The following GALNT17 variants were observed in gnomAD, a reference collection of about 807,000 sequenced individuals.
GALNT17 encodes UDP-GalNAc:polypeptide N-acetylgalactosaminyltransferase-like 3.
In GALNT17, 29 loss-of-function variants were observed where a neutral mutation model predicts 63.7. The observed-to-expected ratio is 0.46, with a 90% CI of 0.34 to 0.62. The LOEUF (loss-of-function observed/expected upper bound fraction) is 0.62, where lower values mean the gene tolerates loss of function less well. Among genes scored for constraint, GALNT17 ranks in the 20% least tolerant of loss-of-function variants. The probability of loss-of-function intolerance (pLI) is 0.01; values close to 1 mark genes in which losing one functional copy is unlikely to be tolerated. For synonymous variants in GALNT17, 305 were observed against 318.3 expected, an observed-to-expected ratio of 0.96 and a Z score of 0.45; for missense variants, 603 against 799.6, an observed-to-expected ratio of 0.75 and a Z score of 2.97.
At chr7:71,519,972 T>A (rs773213668) in intron 5 of GALNT17, among the ~76,000 whole-genome samples, 1 of 152,252 alleles carries the variant, frequency 6.6e-6, no homozygotes, top group African/African-American at 2.4e-5. Context: ...CAGCATGATA[T>A]ATAAAAATCA....
At chr7:71,389,354 G>A (rs767590275) in intron 3 of GALNT17, among the ~76,000 whole-genome samples, 2 of 151,914 alleles carry the variant, frequency 1.3e-5, no homozygotes, top group East Asian at 1.9e-4. Context: ...GGCTGATCTC[G>A]AACTCCTGAC....
intron 6 of GALNT17, among the ~76,000 whole-genome samples, chr7:71,593,163 ATAAT>A (rs2116920693): frequency 3.0e-5 from 1 of 32,920 alleles, no homozygotes; most frequent in African/African-American, 4.4e-5. Flanking sequence ...AATAATAATA[ATAAT>A]AATAATAATA....
intron 5 of GALNT17, among the ~76,000 whole-genome samples, chr7:71,474,796 A>G (rs1787696519): frequency 6.6e-6 from 1 of 152,196 alleles, no homozygotes; most frequent in East Asian, 1.9e-4. Context: ...ATGTTACTTC[A>G]TGTGGCAAAA....
intron 2 of GALNT17, among the ~76,000 whole-genome samples, chr7:71,380,145 G>C (rs1185949605): frequency 1.3e-5 from 2 of 152,078 alleles, no homozygotes; most frequent in African/African-American, 4.8e-5. Flanking sequence ...TGGCCACGTA[G>C]AGTAGATGTC....
intron 9 of GALNT17, among the ~76,000 whole-genome samples, chr7:71,701,901 ATATATATATACATATATATATG>A (rs1281171109): frequency 1.7e-5 from 2 of 119,170 alleles, no homozygotes; most frequent in Non-Finnish European, 3.3e-5. Context: ...ATATACACAT[ATATATATATACATATATATATG>A]TATATATATA....
At chr7:71,410,422 T>G (rs1306857287) in intron 3 of GALNT17, among the ~76,000 whole-genome samples, 1 of 152,176 alleles carries the variant, frequency 6.6e-6, no homozygotes, top group African/African-American at 2.4e-5. Context: ...ATTTTTATAT[T>G]TTTAGTAGAG....
intron 9 of GALNT17, among the ~76,000 whole-genome samples, chr7:71,696,884 T>C (rs912076129): frequency 5.3e-5 from 8 of 152,134 alleles, no homozygotes; most frequent in African/African-American, 1.9e-4. Context: ...TAAAAATGGG[T>C]ATAATGCTGC....
chr7:71,624,782 C>T (rs887822496), intron 6 of GALNT17, among the ~76,000 whole-genome samples: 3 of 152,192 alleles, frequency 2.0e-5, no homozygotes, highest in African/African-American at 7.2e-5. Context: ...TGAGAAATAA[C>T]TGTATTTTCC....
chr7:71,531,141 G>A (rs145923267), intron 5 of GALNT17, among the ~76,000 whole-genome samples: 45 of 151,910 alleles, frequency 3.0e-4, no homozygotes, highest in Middle Eastern at 3.4e-3. Context: ...AGTAGTACAC[G>A]TATGCAAATT....
intron 6 of GALNT17, among the ~76,000 whole-genome samples, chr7:71,577,758 C>T (rs1789562744): frequency 5.3e-5 from 8 of 152,166 alleles, no homozygotes. Context: ...GCCTTAATTG[C>T]TGGTTGCATA....
rs1013532130 is a variant in GALNT17, at chr7:71,321,805, T to G, written c.239-13745T>G. On this transcript the variant is annotated intron_variant, in intron 1 of 10. Transcript: ENST00000333538. ...CCTTGGCCCCCCAAAATGCTCAGAT[T>G]ACAGGCACGAGCCACCACACCCAGC... 6.6e-4 allele frequency among the ~76,000 whole-genome samples: 100 copies of G among 151,384 alleles called. 1 individual carries two copies. The Middle Eastern group carries it at 0.01, about 16-fold the overall frequency.
Position 71,421,771 on chromosome 7 carries a change from G to A in GALNT17, c.962+666G>A, listed in dbSNP as rs1038059160. Among the ~76,000 whole-genome samples, 10 of 152,194 alleles carry A rather than the reference G, an allele frequency of 6.6e-5. No individual in the cohort carries two copies. The East Asian group carries it at 1.4e-3, about 21-fold the overall frequency. ...TCGAGATCAGCCTGGCCAACATGGCGAAACCCCTTCTCTACTAAAATTTAA... is the reference window on the plus strand; with the variant it reads ...TCGAGATCAGCCTGGCCAACATGGCAAAACCCCTTCTCTACTAAAATTTAA... On this transcript the variant is annotated intron_variant, in intron 5 of 10. Transcript: ENST00000333538.
chr7:71,671,650 T>C (rs1199670908), intron 8 of GALNT17, among the ~76,000 whole-genome samples: 2 of 152,058 alleles, frequency 1.3e-5, no homozygotes, highest in Admixed American at 6.6e-5. Flanking sequence ...CCCTCATCTA[T>C]AAAATGGGAG....
chr7:71,246,514 A>T (rs1219801397), intron 1 of GALNT17, among the ~76,000 whole-genome samples: 1 of 151,170 alleles, frequency 6.6e-6, no homozygotes, highest in Non-Finnish European at 1.5e-5. Flanking sequence ...TTTAATCAAT[A>T]GACTGCTATA....
intron 1 of GALNT17, among the ~76,000 whole-genome samples, chr7:71,159,693 A>G (rs1284812741): frequency 6.7e-6 from 1 of 149,124 alleles, no homozygotes; most frequent in African/African-American, 2.5e-5. Flanking sequence ...TGAGCCCCCA[A>G]CATGCCTGGG....
At chr7:71,534,635 A>G (rs1295129447) in intron 5 of GALNT17, among the ~76,000 whole-genome samples, 1 of 151,138 alleles carries the variant, frequency 6.6e-6, no homozygotes, top group Non-Finnish European at 1.5e-5. Context: ...TCTCATGAGA[A>G]CTCATTCACT....
At chr7:71,389,772 C>T (rs912045766) in intron 3 of GALNT17, among the ~76,000 whole-genome samples, 1 of 152,082 alleles carries the variant, frequency 6.6e-6, no homozygotes, top group Non-Finnish European at 1.5e-5. Flanking sequence ...TGTTTATCTA[C>T]ATTGGAATTC....
At chr7:71,475,729 G>A (rs554784484) in intron 5 of GALNT17, among the ~76,000 whole-genome samples, 1 of 152,268 alleles carries the variant, frequency 6.6e-6, no homozygotes, top group East Asian at 1.9e-4. Context: ...ACAGGAAATT[G>A]CCTACAAAGT....
rs531049057 is a variant in GALNT17 at position 71,643,202 on chromosome 7, C to T, written c.1081-22209C>T. Among the ~76,000 whole-genome samples the T allele has an allele frequency of 2.6e-5, 4 of 152,186 alleles. No individual in the cohort carries two copies. The South Asian group carries it at 8.3e-4, about 32-fold the overall frequency. On this transcript the variant is annotated intron_variant, in intron 6 of 10. Coordinates refer to ENST00000333538, the MANE Select transcript of GALNT17 (RefSeq NM_022479.3). ...CCCAGCCACAGGCCAGGCGAAGAGG[C>T]TCACACCTGTAATCCCAGCACTTTG...
Sources: gnomAD v4.1 joint callset for allele counts (sites outside exome capture counted in the v4.1 genomes callset) on GRCh38, gnomAD v4.1.1 for gene constraint, MANE v1.5 for transcripts, NCBI Gene and HGNC (gene_info 2026-07-23, HGNC 2026-07-21) for gene names.